ACVR1: variants seen among roughly 807,000 people sequenced by gnomAD.
ACVR1 encodes activin A receptor type 1, also known as activin receptor type-1.
A neutral mutation model predicts 57.1 loss-of-function variants in ACVR1; 38 were observed. The ratio of observed to expected loss-of-function variants is 0.67; its 90% CI spans 0.51 to 0.87. The LOEUF (loss-of-function observed/expected upper bound fraction) is 0.87, where lower values mean the gene tolerates loss of function less well. Ranked by LOEUF, ACVR1 falls within the 40% of genes least tolerant of loss-of-function variation. ACVR1 has a pLI of 0.00. For synonymous variants in ACVR1, 212 were observed against 228.1 expected (o/e 0.93, Z 0.63); for missense variants, 463 against 638.2 (o/e 0.73, Z 2.96).
Position 157,826,860 on chromosome 2 carries a change from G to A in ACVR1, c.-182-8301C>T, listed in dbSNP as rs1688400397. Among the ~76,000 whole-genome samples the A allele has an allele frequency of 4.8e-5, 6 of 125,058 alleles. No individual in the cohort carries two copies. The South Asian group carries it at 1.5e-3, about 31-fold the overall frequency. 82.0% of individuals were successfully genotyped at this position (125,058 alleles called of 152,430 possible). A position where few individuals can be genotyped will look rare whatever the true frequency, so the allele number is the denominator to read the frequency against. ...GGAGAGGGGAAAAGGAAAAGAAGAA[G>A]GAAGGGAAAGGAAAGGAAAGGAAAG... On this transcript the variant is annotated intron_variant, in intron 1 of 10. Transcript: ENST00000434821.
Position 157,751,077 on chromosome 2 carries a change from A to G in ACVR1, c.1264+9803T>C, listed in dbSNP as rs537092502. ...AAAGAATCAACGGACCCTTTGAAGG[A>G]AGTGGACTGCTCCTGCAGGACCTGG... On this transcript the variant is annotated intron_variant, in intron 9 of 10. Coordinates refer to ENST00000434821, the MANE Select transcript of ACVR1 (RefSeq NM_001111067.4). Among the ~76,000 whole-genome samples, 4 of 152,322 alleles carry G rather than the reference A, an allele frequency of 2.6e-5. No individual in the cohort carries two copies. In the South Asian group the frequency reaches 8.3e-4, roughly 32 times the overall value.
chr2:157,791,991 T>A (rs1024842527), intron 3 of ACVR1, among the ~76,000 whole-genome samples: 1 of 152,206 alleles, frequency 6.6e-6, no homozygotes, highest in African/African-American at 2.4e-5. Flanking sequence ...TCTGAATGAA[T>A]CTGTTTTGCT....
chr2:157,740,773 C>A (rs1267472560), intron 9 of ACVR1, among the ~76,000 whole-genome samples: 1 of 152,160 alleles, frequency 6.6e-6, no homozygotes, highest in Non-Finnish European at 1.5e-5. Context: ...GAAGTTTGCC[C>A]TTGTGTTTCC....
chr2:157,800,412 G>A (rs1002640942), intron 2 of ACVR1, among the ~76,000 whole-genome samples: 1 of 152,018 alleles, frequency 6.6e-6, no homozygotes, highest in African/African-American at 2.4e-5. Flanking sequence ...ATGATCACTT[G>A]AGCCCAGGAG....
chr2:157,738,582 G>A lies in ACVR1; in HGVS notation c.1265-12C>T. ...ATCCTCCACTATACCTGCACACAAG[G>A]ACAAGAATTGTGTTCGGTTAGCAAG... On this transcript the variant is annotated splice_polypyrimidine_tract_variant and intron_variant, in intron 9 of 10. Coordinates refer to ENST00000434821, the MANE Select transcript of ACVR1 (RefSeq NM_001111067.4). 3 of 1,613,956 alleles carry A rather than the reference G, an allele frequency of 1.9e-6. No individual in the cohort carries two copies. Among genetic ancestry groups the A allele is most frequent in the East Asian group, 4.5e-5 (2 of 44,868 alleles).
chr2:157,747,737 A>G (rs1334496271), intron 9 of ACVR1, among the ~76,000 whole-genome samples: 1 of 151,834 alleles, frequency 6.6e-6, no homozygotes, highest in Non-Finnish European at 1.5e-5. Context: ...TTAAGTTTAG[A>G]TAAACTGATT....
At chr2:157,817,636 CTCTT>C (rs770585678) in intron 2 of ACVR1, among the ~76,000 whole-genome samples, 42 of 152,038 alleles carry the variant, frequency 2.8e-4, no homozygotes, top group Non-Finnish European at 5.4e-4. Context: ...TAGATGAGAA[CTCTT>C]TCTATTTTCT....
intron 3 of ACVR1, among the ~76,000 whole-genome samples, chr2:157,788,979 C>T (rs1686813158): frequency 1.3e-5 from 2 of 152,180 alleles, no homozygotes; most frequent in South Asian, 4.1e-4. Context: ...GCCTCTGTAT[C>T]CCAGCCTTTA....
chr2:157,738,351 A>T (rs1559028255), intron 10 of ACVR1, 89 bp downstream of exon 10: 1 of 1,572,540 alleles, frequency 6.4e-7, no homozygotes, highest in East Asian at 2.2e-5. Context: ...GGGACAGATC[A>T]CTCAGATGCA....
chr2:157,847,222 A>G (rs968868942), intron 1 of ACVR1, among the ~76,000 whole-genome samples: 1 of 152,226 alleles, frequency 6.6e-6, no homozygotes, highest in African/African-American at 2.4e-5. Flanking sequence ...TACCCTTGCA[A>G]TTCACAAGCT....
chr2:157,757,882 A>G (rs963808079), intron 9 of ACVR1, among the ~76,000 whole-genome samples: 1 of 151,992 alleles, frequency 6.6e-6, no homozygotes, highest in African/African-American at 2.4e-5. Context: ...AAACACACAC[A>G]CACACACAAA....
intron 9 of ACVR1, among the ~76,000 whole-genome samples, chr2:157,755,395 TA>T (rs1685384514): frequency 1.3e-5 from 2 of 152,092 alleles, no homozygotes; most frequent in Admixed American, 1.3e-4. Context: ...CTATAACTGA[TA>T]AAAGAACTTA....
At chr2:157,837,288 G>T (rs1688815249) in intron 1 of ACVR1, among the ~76,000 whole-genome samples, 1 of 152,104 alleles carries the variant, frequency 6.6e-6, no homozygotes, top group Non-Finnish European at 1.5e-5. Flanking sequence ...TTTCCCTTTG[G>T]AGATCGAAGG....
rs1267861432 is a variant in ACVR1, at chr2:157,778,235, G to A, written c.439C>T (p.Arg147Ter). ...LLACLLGVAL[R>*]KFKRRNQERL... ...TCTTGGTTGCGCCTTTTAAATTTTC[G>A]GAGAGCAACTCCCAGCAGGCAGGCT... is the stretch of plus-strand genomic sequence containing the variant. The change falls in exon 5 of 11, where the codon CGA (arginine) becomes TGA (stop). Residue 147 changes from arginine (R) to a stop codon, truncating the protein, a stop_gained. Coordinates refer to ENST00000434821, the MANE Select transcript of ACVR1 (RefSeq NM_001111067.4). LOFTEE classifies it high-confidence loss of function. 8 of 1,613,886 alleles carry A rather than the reference G, an allele frequency of 5.0e-6. No individual in the cohort carries two copies. Among genetic ancestry groups the A allele is most frequent in the South Asian group, 1.1e-5 (1 of 91,064 alleles).
chr2:157,742,572 T>C (rs1684815519), intron 9 of ACVR1, among the ~76,000 whole-genome samples: 1 of 152,194 alleles, frequency 6.6e-6, no homozygotes, highest in East Asian at 1.9e-4. Context: ...AAGTTTTCTC[T>C]TTTTTGGGGT....
At chr2:157,771,969 C>T (rs1242973407) in intron 6 of ACVR1, among the ~76,000 whole-genome samples, 4 of 152,110 alleles carry the variant, frequency 2.6e-5, no homozygotes, top group Admixed American at 1.3e-4. Flanking sequence ...CTTTTCCTGC[C>T]TTTGGTTCTG....
At chr2:157,816,938 A>G (rs896134006) in intron 2 of ACVR1, among the ~76,000 whole-genome samples, 1 of 152,084 alleles carries the variant, frequency 6.6e-6, no homozygotes, top group Admixed American at 6.5e-5. Flanking sequence ...TACTCTTAAA[A>G]GCATTTCATC....
At chr2:157,816,271 T>C (rs17798260) in intron 2 of ACVR1, among the ~76,000 whole-genome samples, 3,358 of 152,278 alleles carry the variant, frequency 0.022, 56 homozygotes, top group African/African-American at 0.046. Flanking sequence ...TATATGGCTA[T>C]ACTTTATACT....
intron 9 of ACVR1, among the ~76,000 whole-genome samples, chr2:157,741,966 G>A (rs1363784157): frequency 1.3e-5 from 2 of 152,140 alleles, no homozygotes; most frequent in Non-Finnish European, 2.9e-5. Flanking sequence ...ATTCCAGGCA[G>A]AGGGAGGCTA....
Sources: allele counts gnomAD v4.1 joint callset (sites outside exome capture counted in the v4.1 genomes callset), GRCh38; gene constraint gnomAD v4.1.1; transcripts MANE v1.5; gene names NCBI Gene and HGNC (gene_info 2026-07-23, HGNC 2026-07-21).